Variants in MDGA2 observed in about 807,000 individuals in gnomAD.
MDGA2 encodes MAM domain containing glycosylphosphatidylinositol anchor 2, also known as MAM domain-containing glycosylphosphatidylinositol anchor protein 2.
A neutral mutation model predicts 117.8 loss-of-function variants in MDGA2; 40 were observed. That is an observed-to-expected ratio of 0.34 (90% CI 0.26 to 0.44). The LOEUF (loss-of-function observed/expected upper bound fraction) is 0.44. Among genes scored for constraint, MDGA2 ranks in the 20% least tolerant of loss-of-function variants. The pLI is 1.00. For synonymous variants in MDGA2, 452 were observed against 439.0 expected (o/e 1.03, Z -0.37); for missense variants, 1,123 against 1,250.6 (o/e 0.90, Z 1.54).
At chr14:47,524,847 A>G (rs190715603) in intron 1 of MDGA2, among the ~76,000 whole-genome samples, 15 of 152,316 alleles carry the variant, frequency 9.8e-5, no homozygotes, top group Non-Finnish European at 2.1e-4. Context: ...GTTAATGACT[A>G]AATGAATGAT....
At position 47,164,916 on chromosome 14, in the gene MDGA2, C is replaced by G. The variant is rs1236113339; in HGVS notation, c.596-20642G>C. On this transcript the variant is annotated intron_variant, in intron 3 of 16. Transcript: ENST00000399232. ...CACATAGTCACCATGGAATACTATG[C>G]AGCCATAAAAAATGATGAGTTCCTG... 2.8e-4 allele frequency among the ~76,000 whole-genome samples: 42 copies of G among 152,140 alleles called. 1 individual carries two copies. The highest frequency in any genetic ancestry group is 2.8e-3 in the Admixed American group (42 of 15,260).
chr14:47,260,824 C>A (rs1205121418), intron 2 of MDGA2, among the ~76,000 whole-genome samples: 2 of 151,924 alleles, frequency 1.3e-5, no homozygotes, highest in African/African-American at 4.8e-5. Flanking sequence ...AATATGTATC[C>A]CCTTTGTACA....
chr14:47,335,745 T>TATATATATATATATACATACATAC, intron 1 of MDGA2, among the ~76,000 whole-genome samples: 13 of 95,534 alleles, frequency 1.4e-4, no homozygotes, highest in Non-Finnish European at 1.5e-4. Context: ...TATATATATA[T>TATATATATATATATACATACATAC]ATACATACAT....
intron 1 of MDGA2, among the ~76,000 whole-genome samples, chr14:47,376,636 T>C: frequency 6.6e-6 from 1 of 152,176 alleles, no homozygotes; most frequent in East Asian, 1.9e-4. Flanking sequence ...GATTTTGAGT[T>C]ATCGTTCTTA....
intron 8 of MDGA2, among the ~76,000 whole-genome samples, chr14:46,994,173 T>C (rs1250920376): frequency 1.3e-5 from 2 of 152,156 alleles, no homozygotes; most frequent in African/African-American, 2.4e-5. Flanking sequence ...CACAAATCAG[T>C]GCTCGGAAGG....
intron 1 of MDGA2, among the ~76,000 whole-genome samples, chr14:47,645,951 G>C (rs993598967): frequency 1.3e-5 from 2 of 151,752 alleles, no homozygotes; most frequent in African/African-American, 4.8e-5. Flanking sequence ...GTGGTGGCAG[G>C]CTCCTGTAGT....
At chr14:47,353,154 C>T (rs1010323621) in intron 1 of MDGA2, among the ~76,000 whole-genome samples, 3 of 152,104 alleles carry the variant, frequency 2.0e-5, no homozygotes, top group African/African-American at 7.2e-5. Flanking sequence ...TCTGGGTGCA[C>T]ATGCACAGTA....
intron 1 of MDGA2, among the ~76,000 whole-genome samples, chr14:47,477,274 C>A (rs893010265): frequency 1.3e-5 from 2 of 152,108 alleles, no homozygotes; most frequent in African/African-American, 2.4e-5. Flanking sequence ...TCAATAAATA[C>A]ATTTTTTTTC....
intron 2 of MDGA2, among the ~76,000 whole-genome samples, chr14:47,263,330 AT>A (rs1887861604): frequency 6.6e-6 from 1 of 152,048 alleles, no homozygotes; most frequent in Non-Finnish European, 1.5e-5. Context: ...CCCATCCTCC[AT>A]CCCCAAAAGC....
chr14:46,989,697 T>C (rs1887008694), intron 8 of MDGA2, among the ~76,000 whole-genome samples: 1 of 152,110 alleles, frequency 6.6e-6, no homozygotes, highest in Non-Finnish European at 1.5e-5. Flanking sequence ...TTTTTTCAGA[T>C]TGAACTATAT....
chr14:47,173,551 G>A (rs1239427762), intron 3 of MDGA2, among the ~76,000 whole-genome samples: 1 of 152,118 alleles, frequency 6.6e-6, no homozygotes, highest in East Asian at 1.9e-4. Flanking sequence ...GCCACACTAA[G>A]CTTCATAAGT....
At chr14:47,442,969 T>C (rs984108268) in intron 1 of MDGA2, among the ~76,000 whole-genome samples, 2 of 152,158 alleles carry the variant, frequency 1.3e-5, no homozygotes, top group African/African-American at 2.4e-5. Flanking sequence ...AGTTATCAGA[T>C]GGACTGTCAC....
At chr14:47,296,552 G>C (rs1029601247) in intron 2 of MDGA2, among the ~76,000 whole-genome samples, 3 of 152,150 alleles carry the variant, frequency 2.0e-5, no homozygotes, top group Non-Finnish European at 4.4e-5. Flanking sequence ...GTTCAAATTG[G>C]CTAGTGATTT....
At chr14:47,365,231 G>C (rs1383372864) in intron 1 of MDGA2, among the ~76,000 whole-genome samples, 1 of 152,210 alleles carries the variant, frequency 6.6e-6, no homozygotes, top group Non-Finnish European at 1.5e-5. Flanking sequence ...TTCTGGATTA[G>C]AAGGAAGACA....
chr14:46,979,456 C>T (rs1378297832), intron 8 of MDGA2, among the ~76,000 whole-genome samples: 1 of 152,158 alleles, frequency 6.6e-6, no homozygotes, highest in Non-Finnish European at 1.5e-5. Flanking sequence ...CTAAGGAAAT[C>T]ATATTGAAAG....
chr14:47,227,875 T>C (rs548603028), intron 2 of MDGA2, among the ~76,000 whole-genome samples: 3 of 152,182 alleles, frequency 2.0e-5, no homozygotes, highest in South Asian at 4.1e-4. Context: ...AGTCACTTCA[T>C]GGAGTACTTT....
intron 10 of MDGA2, among the ~76,000 whole-genome samples, chr14:46,907,016 G>A (rs1486595164): frequency 1.7e-5 from 2 of 119,602 alleles, no homozygotes; most frequent in South Asian, 2.6e-4. Flanking sequence ...TTGCTCTGAC[G>A]CCCAGAGTGG....
intron 16 of MDGA2, among the ~76,000 whole-genome samples, chr14:46,844,907 ACT>A (rs1880765798): frequency 6.6e-6 from 1 of 151,756 alleles, no homozygotes. Flanking sequence ...TTTGAGACAG[ACT>A]CTTGCTCTGT....
At position 46,846,218 on chromosome 14, in the gene MDGA2, ATTCT is replaced by A. The variant is rs570865461; in HGVS notation, c.2884-351_2884-348del. ...TTTGAAAAGTCTTTCTCTGAGATAGATTCTTTCTGGTTTTATCTGAACATAACTC... is the reference window on the plus strand; with the variant it reads ...TTTGAAAAGTCTTTCTCTGAGATAGATTCTGGTTTTATCTGAACATAACTC... On this transcript the variant is annotated intron_variant, in intron 15 of 16. Transcript: ENST00000399232. Among the ~76,000 whole-genome samples, 247 of 152,260 alleles carry A rather than the reference ATTCT, an allele frequency of 1.6e-3. 2 individuals carry two copies. The highest frequency in any genetic ancestry group is 5.8e-3 in the African/African-American group (240 of 41,570).
Sources: allele counts gnomAD v4.1 joint callset (sites outside exome capture counted in the v4.1 genomes callset), GRCh38; gene constraint gnomAD v4.1.1; transcripts MANE v1.5; gene names NCBI Gene and HGNC (gene_info 2026-07-23, HGNC 2026-07-21).